The following ITFG1 variants were observed in gnomAD, a reference collection of about 807,000 sequenced individuals.
ITFG1 encodes the protein T-cell immunomodulatory protein.
Under a neutral mutation model 81.8 loss-of-function variants are expected in ITFG1, and 34 were observed. The observed-to-expected ratio is 0.42, with a 90% confidence interval of 0.32 to 0.55. The LOEUF is 0.55. Ranked by LOEUF, ITFG1 falls within the 20% of genes least tolerant of loss-of-function variation. The probability of loss-of-function intolerance (pLI) is 0.17; values close to 1 mark genes in which losing one functional copy is unlikely to be tolerated. For missense variants in ITFG1, 672 were observed against 755.4 expected (o/e 0.89, Z 1.29); for synonymous variants, 285 against 270.6 (o/e 1.05, Z -0.52).
chr16:47,340,017 A>AT (rs1485331635), intron 8 of ITFG1, among the ~76,000 whole-genome samples: 1 of 152,198 alleles, frequency 6.6e-6, no homozygotes, highest in Non-Finnish European at 1.5e-5. Flanking sequence ...TTAACAGTCC[A>AT]TCAGAAACGA....
At chr16:47,441,005 A>G (rs560979524) in intron 5 of ITFG1, among the ~76,000 whole-genome samples, 8 of 152,268 alleles carry the variant, frequency 5.3e-5, no homozygotes, top group Admixed American at 2.0e-4. Flanking sequence ...CAAAGGGGAT[A>G]TCACCACCGA....
At chr16:47,259,791 T>C (rs924970675) in intron 11 of ITFG1, among the ~76,000 whole-genome samples, 21 of 152,152 alleles carry the variant, frequency 1.4e-4, no homozygotes, top group African/African-American at 5.1e-4. Context: ...CTTAAAGCCT[T>C]TCATAAGGTC....
At chr16:47,364,765 C>T (rs766818404) in intron 8 of ITFG1, among the ~76,000 whole-genome samples, 9 of 152,192 alleles carry the variant, frequency 5.9e-5, no homozygotes, top group Non-Finnish European at 8.8e-5. Flanking sequence ...TGTTGGGATA[C>T]ATCCATATGA....
intron 10 of ITFG1, among the ~76,000 whole-genome samples, chr16:47,268,445 T>A (rs924199154): frequency 6.6e-6 from 1 of 152,180 alleles, no homozygotes; most frequent in Non-Finnish European, 1.5e-5. Context: ...GAAGAAATAA[T>A]ACACGTACTA....
At chr16:47,217,160 G>T (rs777259628) in intron 14 of ITFG1, among the ~76,000 whole-genome samples, 1 of 150,618 alleles carries the variant, frequency 6.6e-6, no homozygotes, top group Non-Finnish European at 1.5e-5. Context: ...AAAAGAAAAA[G>T]AAAGTATTTT....
intron 10 of ITFG1, among the ~76,000 whole-genome samples, chr16:47,292,944 T>C (rs370502780): frequency 2.0e-5 from 3 of 151,372 alleles, no homozygotes; most frequent in Non-Finnish European, 2.9e-5. Flanking sequence ...ATTAAGATAA[T>C]GGCCTCCAAT....
At chr16:47,404,142 T>TGG (rs1397383394) in intron 6 of ITFG1, among the ~76,000 whole-genome samples, 2 of 152,100 alleles carry the variant, frequency 1.3e-5, no homozygotes, top group Non-Finnish European at 2.9e-5. Flanking sequence ...CCAAAAGGGT[T>TGG]GGGGGCTAGT....
At chr16:47,306,091 A>G (rs994770849) in intron 10 of ITFG1, among the ~76,000 whole-genome samples, 1 of 152,210 alleles carries the variant, frequency 6.6e-6, no homozygotes, top group African/African-American at 2.4e-5. Context: ...TATTGACTCC[A>G]GTAGTTCATT....
At chr16:47,383,312 G>C (rs564907200) in intron 6 of ITFG1, among the ~76,000 whole-genome samples, 2 of 152,272 alleles carry the variant, frequency 1.3e-5, no homozygotes, top group African/African-American at 4.8e-5. Context: ...TAACTTAAAT[G>C]AAGGTTTTAA....
At chr16:47,236,096 CT>C (rs761841956) in intron 13 of ITFG1, among the ~76,000 whole-genome samples, 5 of 152,112 alleles carry the variant, frequency 3.3e-5, no homozygotes, top group Non-Finnish European at 7.4e-5. Flanking sequence ...ACTTATGTGA[CT>C]TTCCAAATGA....
At chr16:47,403,166 C>T (rs1325605713) in intron 6 of ITFG1, among the ~76,000 whole-genome samples, 1 of 151,556 alleles carries the variant, frequency 6.6e-6, no homozygotes, top group Non-Finnish European at 1.5e-5. Flanking sequence ...TTCCTTATAA[C>T]ACACAAAATA....
intron 10 of ITFG1, among the ~76,000 whole-genome samples, chr16:47,262,198 C>T (rs1966217583): frequency 2.0e-5 from 3 of 152,026 alleles, no homozygotes; most frequent in Admixed American, 2.0e-4. Flanking sequence ...AAATAGTTTA[C>T]CAGAACAATT....
intron 14 of ITFG1, chr16:47,202,198 T>C (rs1965433514): frequency 6.6e-6 from 1 of 152,196 alleles, no homozygotes; most frequent in Non-Finnish European, 1.5e-5. Context: ...ATAATTTCTT[T>C]TAGTGATATC....
chr16:47,427,564 TGCAGTGG>T (rs2151609140), intron 6 of ITFG1, among the ~76,000 whole-genome samples: 1 of 152,208 alleles, frequency 6.6e-6, no homozygotes, highest in African/African-American at 2.4e-5. Context: ...AGGCGGAGGT[TGCAGTGG>T]GCAGAGATCG....
chr16:47,238,284 T>TG, intron 12 of ITFG1: 1 of 226,942 alleles, frequency 4.4e-6, no homozygotes. Context: ...AAATAGAACC[T>TG]GTTGGTTCTA....
intron 14 of ITFG1, among the ~76,000 whole-genome samples, chr16:47,183,037 C>T: frequency 6.6e-6 from 1 of 152,228 alleles, no homozygotes; most frequent in East Asian, 1.9e-4. Flanking sequence ...GGGTCACTCC[C>T]ACCCGAATAC....
At chr16:47,344,244 T>C (rs759338199) in intron 8 of ITFG1, among the ~76,000 whole-genome samples, 4 of 152,204 alleles carry the variant, frequency 2.6e-5, no homozygotes, top group Non-Finnish European at 5.9e-5. Context: ...TTAATACATT[T>C]AAAAATGGTT....
chr16:47,370,216 G>A (rs1297676828), intron 7 of ITFG1, among the ~76,000 whole-genome samples: 7 of 152,112 alleles, frequency 4.6e-5, no homozygotes, highest in Admixed American at 3.9e-4. Flanking sequence ...GGTGAAACCC[G>A]ACCTTCAAAC....
Position 47,219,815 on chromosome 16 carries a change from A to G in ITFG1, c.1375-869T>C, listed in dbSNP as rs1035156938. 5.9e-5 allele frequency among the ~76,000 whole-genome samples: 9 copies of G among 152,214 alleles called. No individual in the cohort carries two copies. The South Asian group carries it at 8.3e-4, about 14-fold the overall frequency. On this transcript the variant is annotated intron_variant, in intron 13 of 17. Transcript: ENST00000320640. ...GCCTGACTGATATTTTAAGATTTTT[A>G]GAAGTCCATATGCTTCCAATGGCTA...
Sources: allele counts gnomAD v4.1 joint callset (sites outside exome capture counted in the v4.1 genomes callset), GRCh38; gene constraint gnomAD v4.1.1; transcripts MANE v1.5; gene names NCBI Gene and HGNC (gene_info 2026-07-23, HGNC 2026-07-21).